ERBB3: variants seen among roughly 807,000 people sequenced by gnomAD.
The protein encoded by ERBB3 is erb-b2 receptor tyrosine kinase 3.
Under a neutral mutation model 156.7 loss-of-function variants are expected in ERBB3, and 96 were observed. The ratio of observed to expected loss-of-function variants is 0.61; its 90% CI spans 0.52 to 0.73. The LOEUF (loss-of-function observed/expected upper bound fraction) is 0.73, where lower values mean the gene tolerates loss of function less well. ERBB3 is among the 30% of genes least tolerant of loss of function. The pLI, the probability that ERBB3 is intolerant of heterozygous loss-of-function variation, is 0.00. For synonymous variants in ERBB3, 567 were observed against 632.0 expected, an observed-to-expected ratio of 0.90 and a Z score of 1.54; for missense variants, 1,406 against 1,709.4, an observed-to-expected ratio of 0.82 and a Z score of 3.13.
rs1592231196 is a variant in ERBB3 at position 56,098,278 on chromosome 12, G to A, written c.2617-222G>A. On this transcript the variant is annotated intron_variant, in intron 21 of 27. Transcript: ENST00000267101. ...AAAAAAAAAATTAGCCAGGCGTGGCGGCATGCATCTGTACTCCCAGCTACT... is the reference window on the plus strand; with the variant it reads ...AAAAAAAAAATTAGCCAGGCGTGGCAGCATGCATCTGTACTCCCAGCTACT... 3 of 577,320 alleles carry A rather than the reference G, an allele frequency of 5.2e-6. No homozygotes were observed. The Admixed American group carries it at 9.1e-5, about 17-fold the overall frequency. 35.8% of individuals were successfully genotyped at this position (577,320 alleles called of 1,614,324 possible). A position where few individuals can be genotyped will look rare whatever the true frequency, so the allele number is the denominator to read the frequency against.
intron 13 of ERBB3, 21 bp from the exon 14 acceptor site, chr12:56,094,075 CCCT>C: frequency 4.4e-6 from 7 of 1,595,616 alleles, no homozygotes; most frequent in Non-Finnish European, 5.2e-6. Context: ...AGTGACCCCC[CCCT>C]CCCTTTATTC....
At chr12:56,083,686 G>A in intron 1 of ERBB3, 65 bp from the exon 2 acceptor site, 2 of 1,591,184 alleles carry the variant, frequency 1.3e-6, no homozygotes, top group East Asian at 4.5e-5. Flanking sequence ...GTGATCTTTG[G>A]GGATGGCAGA....
chr12:56,095,517 T>C (rs1868861345), intron 16 of ERBB3, 148 bp from the exon 17 acceptor site: 1 of 1,022,118 alleles, frequency 9.8e-7, no homozygotes, highest in African/African-American at 1.6e-5. Context: ...GGTCCAGATT[T>C]AGGTTGGTCC....
chr12:56,090,040 G>T (rs894620381), intron 9 of ERBB3, among the ~76,000 whole-genome samples: 1 of 149,684 alleles, frequency 6.7e-6, no homozygotes, highest in African/African-American at 2.5e-5. Flanking sequence ...CCCCAGGCTA[G>T]AGTGCAGTGG....
At chr12:56,082,534 A>G (rs1225069412) in intron 1 of ERBB3, among the ~76,000 whole-genome samples, 4 of 151,908 alleles carry the variant, frequency 2.6e-5, no homozygotes. Context: ...TATAGGAGGG[A>G]TTGGGGCCTC....
At chr12:56,090,504 C>T (rs1239398252) in intron 9 of ERBB3, among the ~76,000 whole-genome samples, 10 of 151,924 alleles carry the variant, frequency 6.6e-5, no homozygotes, top group Admixed American at 1.3e-4. Flanking sequence ...ATTAGCTGGG[C>T]GTGGTGGTGT....
rs4016497 is a variant in ERBB3, at chr12:56,102,806, TAAAAAAAAA to T, written c.*771_*779del. 62 of 56,138 alleles carry T rather than the reference TAAAAAAAAA, an allele frequency of 1.1e-3. No homozygotes were observed. Among genetic ancestry groups the T allele is most frequent in the South Asian group, 1.4e-3 (1 of 716 alleles). The allele number at this position is 56,138 out of a possible 1,614,324, so 3.5% of individuals were successfully genotyped here. A position where few individuals can be genotyped will look rare whatever the true frequency, so the allele number is the denominator to read the frequency against. On this transcript the variant is annotated 3_prime_UTR_variant, in exon 28 of 28. Transcript: ENST00000267101. ...CAACATAGTAAGACCCCCATCTCTT[TAAAAAAAAA>T]AAAAAAAAAAAAAAAAAAACTTTAG... is the stretch of plus-strand genomic sequence containing the variant.
Position 56,092,996 on chromosome 12 carries a change from CA to C in ERBB3, c.1195del (p.Ile399SerfsTer17). On this transcript the variant is annotated frameshift_variant, in exon 11 of 28. Transcript: ENST00000267101. LOFTEE classifies it high-confidence loss of function. Reference protein sequence around the residue: ...TVREITGYLNIQSWPPHMHNF... With the variant: ...TVREITGYLNXQSWPPHMHNF... ...TCTCCAACCCCTCAGGTTACCTGAA[CA>C]TCCAGTCCTGGCCGCCCCACATGCA... The C allele has an allele frequency of 6.2e-7, 1 of 1,614,088 alleles. No individual in the cohort carries two copies. Among genetic ancestry groups the C allele is most frequent in the South Asian group, 1.1e-5 (1 of 91,086 alleles).
Position 56,099,974 on chromosome 12 carries a change from C to T in ERBB3, c.3074C>T (p.Thr1025Ile), listed in dbSNP as rs2136826164. The change falls in exon 25 of 28, where the codon ACC becomes ATC. Residue 1025 changes from threonine to isoleucine, a missense_variant. By Grantham distance (89) the Thr-to-Ile change is moderately conservative. Coordinates refer to ENST00000267101, the MANE Select transcript of ERBB3 (RefSeq NM_001982.4). ...GCAGAGGAGGACAACCTGGCAACCA[C>T]CACACTGGGCTCCGCCCTCAGCCTA... ...LEAEEDNLAT[T>I]TLGSALSLPV... 6.2e-7 allele frequency: 1 copy of T among 1,614,248 alleles called. No homozygotes were observed. Among genetic ancestry groups the T allele is most frequent in the Non-Finnish European group, 8.5e-7 (1 of 1,180,044 alleles).
Position 56,092,755 on chromosome 12 carries a change from G to A in ERBB3, c.1118G>A (p.Trp373Ter), listed in dbSNP as rs780527140. 1.2e-6 allele frequency: 2 copies of A among 1,613,774 alleles called. No individual in the cohort carries two copies. The highest frequency in any genetic ancestry group is 1.7e-6 in the Non-Finnish European group (2 of 1,179,706). ...TCTACTGTTCTATTCAGAGACCCCT[G>A]GCACAAGATCCCTGCCCTGGACCCA... ...FLITGLNGDPWHKIPALDPEK... is the reference protein window; with the variant it reads ...FLITGLNGDP Residue 373 changes from tryptophan to a stop codon, truncating the protein, a stop_gained, in exon 10 of 28, where the codon TGG (tryptophan) becomes TAG (stop). Transcript: ENST00000267101. LOFTEE classifies it high-confidence loss of function.
Position 56,098,883 on chromosome 12 carries a change from T to C in ERBB3, c.2817T>C (p.Asp939=), listed in dbSNP as rs1394203532. 2.5e-6 allele frequency: 4 copies of C among 1,613,972 alleles called. No homozygotes were observed. In the African/African-American group the frequency reaches 5.3e-5, roughly 22 times the overall value. ...RLAQPQICTI[D]VYMVMVKCWM... ...CACAGCCCCAGATCTGCACAATTGA[T>C]GTCTACATGGTGATGGTCAAGTGTG... Residue 939 remains aspartate (D), a synonymous_variant, in exon 23 of 28, where the codon GAT becomes GAC. Coordinates refer to ENST00000267101, the MANE Select transcript of ERBB3 (RefSeq NM_001982.4).
At position 56,088,666 on chromosome 12, in the gene ERBB3, A is replaced by C; in HGVS notation, c.988+10A>C. ...GGACTATGTCCCAAAGGTGGGTAGG[A>C]GATGGTAAGAAGTTGTAAAGAGACA... On this transcript the variant is annotated intron_variant, in intron 8 of 27. Transcript: ENST00000267101. The C allele has an allele frequency of 6.2e-7, 1 of 1,613,988 alleles. No homozygotes were observed. The highest frequency in any genetic ancestry group is 1.3e-5 in the African/African-American group (1 of 75,016).
Position 56,103,121 on chromosome 12 carries a change from T to C in ERBB3, c.*1066T>C, listed in dbSNP as rs1565862782. The stretch of plus-strand genomic sequence containing the variant: ...TACAGCCCTTGTTTAAGGGGCACTG[T>C]TTCTTGTTTTTGCACTGAATCAAGT... On this transcript the variant is annotated 3_prime_UTR_variant, in exon 28 of 28. Coordinates refer to ENST00000267101, the MANE Select transcript of ERBB3 (RefSeq NM_001982.4). The C allele has an allele frequency of 4.3e-6, 1 of 230,932 alleles. No homozygotes were observed. Among genetic ancestry groups the C allele is most frequent in the Non-Finnish European group, 8.6e-6 (1 of 116,428 alleles). 14.3% of individuals were successfully genotyped at this position (230,932 alleles called of 1,614,324 possible).
In ERBB3 at chr12:56,098,005, T is replaced by C. The variant is rs930777431; in HGVS notation, c.2616+65T>C. On this transcript the variant is annotated intron_variant, in intron 21 of 27. Coordinates refer to ENST00000267101, the MANE Select transcript of ERBB3 (RefSeq NM_001982.4). ...AAGCATGGGGATAGGGAGCAGCCAG[T>C]GGTCTCTTCCAGAGGCAAGCAGATG... 7.1e-6 allele frequency: 11 copies of C among 1,548,022 alleles called. No homozygotes were observed. In the African/African-American group the frequency reaches 8.2e-5, roughly 11 times the overall value.
intron 16 of ERBB3, 75 bp from the exon 17 acceptor site, chr12:56,095,590 T>G (rs1472240729): frequency 1.3e-6 from 2 of 1,572,728 alleles, no homozygotes; most frequent in Non-Finnish European, 1.7e-6. Context: ...CATCATACCT[T>G]CAACACAAGT....
chr12:56,095,690 A>G lies in ERBB3; in HGVS notation c.1939A>G (p.Thr647Ala). 1 of 1,614,188 alleles carries G rather than the reference A, an allele frequency of 6.2e-7. No individual in the cohort carries two copies. Among genetic ancestry groups the G allele is most frequent in the African/African-American group, 1.3e-5 (1 of 75,034 alleles). Residue 647 changes from threonine (T) to alanine (A), a missense_variant, in exon 17 of 28, where the codon ACA (threonine) becomes GCA (alanine). Transcript: ENST00000267101. Reference sequence around the variant, plus strand: ...CAAAACCCATCTGACAATGGCTTTGACAGTGATAGCAGGATTGGTAGTGAT... The same window carrying G: ...CAAAACCCATCTGACAATGGCTTTGGCAGTGATAGCAGGATTGGTAGTGAT... ...IGKTHLTMALTVIAGLVVIFM... is the reference protein window; with the variant it reads ...IGKTHLTMALAVIAGLVVIFM...
At chr12:56,090,349 T>C (rs893121797) in intron 9 of ERBB3, among the ~76,000 whole-genome samples, 40 of 151,870 alleles carry the variant, frequency 2.6e-4, no homozygotes, top group Non-Finnish European at 3.5e-4. Flanking sequence ...ATACCACATA[T>C]GGCCGGGCAC....
At position 56,101,386 on chromosome 12, in the gene ERBB3, C is replaced by A. The variant is rs201244150; in HGVS notation, c.3502+25C>A. On this transcript the variant is annotated intron_variant, in intron 27 of 27. Transcript: ENST00000267101. ...GGTGCCTGACTCTTCCTAGGGCTTT[C>A]CTCAATTTTTCCTCGAATTCTTTCC... 4.8e-5 allele frequency: 77 copies of A among 1,612,634 alleles called. No individual in the cohort carries two copies. In the African/African-American group the frequency reaches 7.7e-4, roughly 16 times the overall value.
rs1462065910 is a variant in ERBB3 at position 56,085,094 on chromosome 12, G to A, written c.334G>A (p.Asp112Asn). The A allele has an allele frequency of 4.3e-6, 7 of 1,614,076 alleles. No individual in the cohort carries two copies. The highest frequency in any genetic ancestry group is 1.3e-5 in the African/African-American group (1 of 75,016). Residue 112 changes from aspartate (D) to asparagine (N), a missense_variant, in exon 3 of 28, where the codon GAT becomes AAT. By Grantham distance (23) the Asp-to-Asn change is conservative (BLOSUM62 1). Transcript: ENST00000267101. ...LRVVRGTQVYDGKFAIFVMLN... is the reference protein window; with the variant it reads ...LRVVRGTQVYNGKFAIFVMLN... ...CGTGGTGCGAGGGACCCAGGTCTACGATGGGAAGTTTGCCATCTTCGTCAT... is the reference window on the plus strand; with the variant it reads ...CGTGGTGCGAGGGACCCAGGTCTACAATGGGAAGTTTGCCATCTTCGTCAT...
Sources: allele counts gnomAD v4.1 joint callset (sites outside exome capture counted in the v4.1 genomes callset), GRCh38; gene constraint gnomAD v4.1.1; transcripts MANE v1.5; gene names NCBI Gene and HGNC (gene_info 2026-07-23, HGNC 2026-07-21).